Variants in CD302 observed in about 807,000 individuals in gnomAD.
CD302 encodes the protein CD302 antigen.
A neutral mutation model predicts 26.5 loss-of-function variants in CD302; 23 were observed. The observed-to-expected ratio is 0.87, with a 90% CI of 0.62 to 1.23. The LOEUF is 1.23. Among genes scored for constraint, CD302 ranks in the 50% most tolerant of loss-of-function variants. The pLI, the probability that CD302 is intolerant of heterozygous loss-of-function variation, is 0.00. For missense variants in CD302, 290 were observed against 275.5 expected, an observed-to-expected ratio of 1.05 and a Z score of -0.37; for synonymous variants, 90 against 99.4, an observed-to-expected ratio of 0.91 and a Z score of 0.56.
At chr2:159,786,950 C>A (rs909045075) in intron 1 of CD302, among the ~76,000 whole-genome samples, 1 of 152,128 alleles carries the variant, frequency 6.6e-6, no homozygotes, top group African/African-American at 2.4e-5. Flanking sequence ...TGTTTTTGAA[C>A]TTTATAGTTA....
intron 5 of CD302, among the ~76,000 whole-genome samples, chr2:159,776,269 C>T (rs1357382569): frequency 6.6e-6 from 1 of 151,266 alleles, no homozygotes; most frequent in Non-Finnish European, 1.5e-5. Flanking sequence ...GTGCAGATTA[C>T]ATTTTGTTTA....
intron 4 of CD302, among the ~76,000 whole-genome samples, chr2:159,779,005 G>A (rs1169729856): frequency 2.6e-5 from 4 of 151,976 alleles, no homozygotes; most frequent in Non-Finnish European, 4.4e-5. Context: ...GCTGAGGTGG[G>A]CAGATCACAA....
At chr2:159,781,306 T>C (rs1360501221) in intron 2 of CD302, 3 of 188,518 alleles carry the variant, frequency 1.6e-5, no homozygotes, top group Non-Finnish European at 3.2e-5. Flanking sequence ...CCCAGCACTT[T>C]GGGAGGCTGA....
intron 1 of CD302, among the ~76,000 whole-genome samples, chr2:159,785,810 C>T (rs1202150280): frequency 2.6e-5 from 4 of 152,208 alleles, no homozygotes; most frequent in African/African-American, 9.6e-5. Context: ...GACATCCCCA[C>T]TAGAATTGAT....
chr2:159,787,517 T>C (rs1215191502), intron 1 of CD302, among the ~76,000 whole-genome samples: 1 of 152,160 alleles, frequency 6.6e-6, no homozygotes, highest in Non-Finnish European at 1.5e-5. Context: ...AAAATTATAA[T>C]ATGTGACCTT....
At chr2:159,778,009 A>G in intron 4 of CD302, 45 bp from the exon 5 acceptor site, 1 of 784,812 alleles carries the variant, frequency 1.3e-6, no homozygotes, top group Non-Finnish European at 1.9e-6. Flanking sequence ...ATTATGCTTT[A>G]TTATAGGATT....
chr2:159,768,885 TTAAC>T lies in CD302; in HGVS notation c.*2962_*2965del, dbSNP rs1560035989. On this transcript the variant is annotated 3_prime_UTR_variant, in exon 6 of 6. Transcript: ENST00000259053. ...ACCCATAAAACTTTATTTAAAAAAT[TTAAC>T]TAGATGGTACAAAACATTCATTGGT... 6.6e-6 allele frequency: 1 copy of T among 152,294 alleles called. No individual in the cohort carries two copies. The highest frequency in any genetic ancestry group is 1.9e-4 in the East Asian group (1 of 5,186). The allele number at this position is 152,294 out of a possible 1,614,324, so 9.4% of individuals were successfully genotyped here. A position where few individuals can be genotyped will look rare whatever the true frequency, so the allele number is the denominator to read the frequency against.
At chr2:159,783,993 T>G (rs2125805516) in intron 1 of CD302, among the ~76,000 whole-genome samples, 1 of 152,276 alleles carries the variant, frequency 6.6e-6, no homozygotes, top group Non-Finnish European at 1.5e-5. Context: ...TGTTCTTAAT[T>G]TAACACCTCA....
Position 159,769,814 on chromosome 2 carries a change from T to A in CD302, c.*2037A>T, listed in dbSNP as rs1574479135. ...AGTTGTATGGGAGTTGAGTGGAAGG[T>A]AGGATTTAAGAGCAGCACTGCCCAA... On this transcript the variant is annotated 3_prime_UTR_variant, in exon 6 of 6. Transcript: ENST00000259053. 1 of 152,170 alleles carries A rather than the reference T, an allele frequency of 6.6e-6. No homozygotes were observed. Among genetic ancestry groups the A allele is most frequent in the South Asian group, 2.1e-4 (1 of 4,832 alleles). The allele number at this position is 152,170 out of a possible 1,614,324, so 9.4% of individuals were successfully genotyped here.
chr2:159,792,422 CTGTGTGTGTGTGTGTGTG>C (rs3138650), intron 1 of CD302, among the ~76,000 whole-genome samples: 7,489 of 145,148 alleles, frequency 0.052, 473 homozygotes, highest in African/African-American at 0.15. Flanking sequence ...AGAACCAACT[CTGTGTGTGTGTGTGTGTG>C]TGTGTGTGTG....
intron 5 of CD302, among the ~76,000 whole-genome samples, chr2:159,774,081 A>G (rs1708238064): frequency 7.4e-6 from 1 of 135,342 alleles, no homozygotes; most frequent in Non-Finnish European, 1.7e-5. Flanking sequence ...TCCTGGGGCA[A>G]CTAGATTGTT....
rs1708149841 is a variant in CD302 at position 159,771,679 on chromosome 2, T to G, written c.*172A>C. On this transcript the variant is annotated 3_prime_UTR_variant, in exon 6 of 6. Transcript: ENST00000259053. ...TCTAAGATCATTTCTAAAACCTGTT[T>G]TTTTAATGAACCTAAAGACTTTTCA... The G allele has an allele frequency of 8.0e-6, 6 of 753,978 alleles. No homozygotes were observed. 46.7% of individuals were successfully genotyped at this position (753,978 alleles called of 1,614,324 possible).
intron 5 of CD302, among the ~76,000 whole-genome samples, chr2:159,774,332 A>G (rs2125792045): frequency 6.6e-6 from 1 of 152,330 alleles, no homozygotes; most frequent in South Asian, 2.1e-4. Context: ...CTGGAAATTT[A>G]TAGACTTCCT....
intron 5 of CD302, among the ~76,000 whole-genome samples, chr2:159,777,497 A>C (rs1025096811): frequency 2.2e-4 from 33 of 152,340 alleles, no homozygotes; most frequent in African/African-American, 7.5e-4. Context: ...CCTATGACCC[A>C]GCTTTCTACT....
intron 1 of CD302, among the ~76,000 whole-genome samples, chr2:159,784,452 C>T (rs1708612387): frequency 7.0e-6 from 1 of 143,580 alleles, no homozygotes; most frequent in Admixed American, 7.3e-5. Context: ...GCCTCCTGGG[C>T]TCAAGGGATC....
In CD302 at chr2:159,783,371, A is replaced by G. The variant is rs1315127695; in HGVS notation, c.166T>C (p.Cys56Arg). The G allele has an allele frequency of 6.2e-7, 1 of 1,606,068 alleles. No individual in the cohort carries two copies. Among genetic ancestry groups the G allele is most frequent in the Non-Finnish European group, 8.5e-7 (1 of 1,177,788 alleles). Residue 56 changes from cysteine to arginine, a missense_variant, in exon 2 of 6, where the codon TGT becomes CGT. Cys to Arg is a radical substitution (Grantham distance 180). Transcript: ENST00000259053. ...ATAAGCCTTTTACCATGGTCAGTAC[A>G]CTGATTTCTGACATCCTCTATGCTT... is the stretch of plus-strand genomic sequence containing the variant. ...VESIEDVRNQ[C>R]TDHGADMISI... is the part of the protein sequence containing the mutation.
intron 5 of CD302, among the ~76,000 whole-genome samples, chr2:159,776,706 T>A (rs1708339013): frequency 3.2e-5 from 1 of 31,590 alleles, no homozygotes; most frequent in African/African-American, 1.2e-4. Context: ...AATTTTTTTT[T>A]TTTTTTTTTT....
intron 1 of CD302, among the ~76,000 whole-genome samples, chr2:159,793,885 G>T (rs1156383890): frequency 6.6e-6 from 1 of 152,054 alleles, no homozygotes; most frequent in African/African-American, 2.4e-5. Context: ...CATAGAAGGG[G>T]TGTGCCATTG....
chr2:159,790,551 A>C (rs563298414), intron 1 of CD302, among the ~76,000 whole-genome samples: 1 of 152,328 alleles, frequency 6.6e-6, no homozygotes, highest in Non-Finnish European at 1.5e-5. Flanking sequence ...CATTTCCAGA[A>C]TAAAACTCAA....
Sources: gnomAD v4.1 joint callset for allele counts (sites outside exome capture counted in the v4.1 genomes callset) on GRCh38, gnomAD v4.1.1 for gene constraint, MANE v1.5 for transcripts, NCBI Gene and HGNC (gene_info 2026-07-23, HGNC 2026-07-21) for gene names.